NBPF8: variants seen among roughly 807,000 people sequenced by gnomAD.
The protein encoded by NBPF8 is NBPF member 8.
At chr1:120,460,475 A>G in intron 17 of NBPF8, 98 bp from the exon 16 acceptor site, 2 of 821,280 alleles carry the variant, frequency 2.4e-6, no homozygotes, top group Non-Finnish European at 2.1e-6. Context: ...TCACATTGAC[A>G]AGACTGATGT....
downstream of NBPF8, among the ~76,000 whole-genome samples, chr1:120,468,513 A>C (rs1371257127): frequency 6.8e-6 from 1 of 147,958 alleles, no homozygotes; most frequent in Non-Finnish European, 1.5e-5. Flanking sequence ...GGGGACATAC[A>C]TGGTGTATGT....
chr1:120,430,586 C>G (rs1660849200), intron 3 of NBPF8, among the ~76,000 whole-genome samples: 2 of 138,764 alleles, frequency 1.4e-5, no homozygotes, highest in South Asian at 4.4e-4. Flanking sequence ...AACCCCATCT[C>G]TACTAAAAAT....
chr1:120,448,877 G>A (rs1556606218), intron 10 of NBPF8, among the ~76,000 whole-genome samples: 1 of 5,932 alleles, frequency 1.7e-4, no homozygotes, highest in African/African-American at 8.7e-4. Context: ...AATTAAAAAA[G>A]CAAAATGAAA....
chr1:120,457,736 A>AAAATAT (rs1553249844), intron 16 of NBPF8, among the ~76,000 whole-genome samples: 1 of 53,754 alleles, frequency 1.9e-5, no homozygotes, highest in African/African-American at 1.4e-4. Context: ...TTAAAAAAAA[A>AAAATAT]ATATATATAT....
At chr1:120,449,688 G>T (rs4990356) in intron 11 of NBPF8, among the ~76,000 whole-genome samples, 27,885 of 151,284 alleles carry the variant, frequency 0.18, 2,822 homozygotes, top group Non-Finnish European at 0.25. Context: ...AGGCTCAATC[G>T]TGTTTTCAAG....
upstream of NBPF8, among the ~76,000 whole-genome samples, chr1:120,435,829 G>T (rs1331793065): frequency 6.6e-6 from 1 of 151,368 alleles, no homozygotes; most frequent in Non-Finnish European, 1.5e-5. Flanking sequence ...TCGCGTCACT[G>T]CACTCCAGCC....
At position 120,430,918 on chromosome 1, in the gene NBPF8, C is replaced by T. The variant is rs1407653178; in HGVS notation, n.510+3071C>T. 5.3e-5 allele frequency among the ~76,000 whole-genome samples: 8 copies of T among 151,620 alleles called. No homozygotes were observed. The East Asian group carries it at 5.8e-4, about 11-fold the overall frequency. On this transcript the variant is annotated intron_variant and non_coding_transcript_variant, in intron 3 of 28. Transcript: ENST00000652355. ...TGTTATGTTTAAAAAGTCAGTTCTT[C>T]GTAAATTGATCTCCAGATCCAATGC... is the stretch of plus-strand genomic sequence containing the variant.
chr1:120,460,233 G>C (rs1196088552), intron 17 of NBPF8, among the ~76,000 whole-genome samples: 2 of 152,170 alleles, frequency 1.3e-5, no homozygotes, highest in Non-Finnish European at 2.9e-5. Context: ...TATTTGATGA[G>C]AGAAAGCTTA....
intron 11 of NBPF8, among the ~76,000 whole-genome samples, chr1:120,449,680 G>A (rs1222070125): frequency 1.3e-5 from 2 of 152,104 alleles, no homozygotes; most frequent in Non-Finnish European, 2.9e-5. Flanking sequence ...TCTCCAAGAG[G>A]CTCAATCGTG....
chr1:120,455,837 T>G (rs1467736630), intron 16 of NBPF8, among the ~76,000 whole-genome samples: 2 of 152,008 alleles, frequency 1.3e-5, no homozygotes, highest in Non-Finnish European at 2.9e-5. Flanking sequence ...GCTTTGCTTC[T>G]CTCGTTATTT....
At chr1:120,469,484 C>G (rs1661854309), downstream of NBPF8, among the ~76,000 whole-genome samples, 1 of 144,986 alleles carries the variant, frequency 6.9e-6, no homozygotes. Context: ...TGCTCGGTCA[C>G]AGTGACAAGT....
At position 120,449,879 on chromosome 1, in the gene NBPF8, C is replaced by A. The variant is rs28787958; in HGVS notation, n.1971+477C>A. 3.3e-3 allele frequency among the ~76,000 whole-genome samples: 501 copies of A among 152,222 alleles called. 3 individuals are homozygous for A. The highest frequency in any genetic ancestry group is 0.012 in the African/African-American group (489 of 41,534). ...TAGCCAGTACCTGCTCTGAGGGCTTCAAGAGGAGTCTATTCCTAATAGAAC... is the reference window on the plus strand; with the variant it reads ...TAGCCAGTACCTGCTCTGAGGGCTTAAAGAGGAGTCTATTCCTAATAGAAC... On this transcript the variant is annotated intron_variant and non_coding_transcript_variant, in intron 11 of 24. Transcript: ENST00000583271.
exon 1 of NBPF8, chr1:120,436,559 G>A (rs1661087901): frequency 1.4e-5 from 21 of 1,525,546 alleles, no homozygotes; most frequent in Non-Finnish European, 1.9e-5. Context: ...CAGCGAGAAG[G>A]CAGAGATGAA....
upstream of NBPF8, among the ~76,000 whole-genome samples, chr1:120,434,374 G>A (rs1553247488): frequency 7.0e-6 from 1 of 143,362 alleles, no homozygotes; most frequent in African/African-American, 2.6e-5. Flanking sequence ...CGTGTATACA[G>A]GTATATATGT....
chr1:120,433,479 G>A (rs1660945715), upstream of NBPF8: 1 of 152,964 alleles, frequency 6.5e-6, no homozygotes, highest in African/African-American at 2.4e-5. Context: ...ACACACAGGA[G>A]GGGTATGGGT....
At chr1:120,454,983 G>T (rs1661396801) in intron 15 of NBPF8, among the ~76,000 whole-genome samples, 1 of 148,046 alleles carries the variant, frequency 6.8e-6, no homozygotes, top group East Asian at 2.0e-4. Flanking sequence ...CCAAATCACA[G>T]ATTCTTTTTA....
At chr1:120,418,773 C>A (rs1660493668), upstream of NBPF8, among the ~76,000 whole-genome samples, 1 of 146,478 alleles carries the variant, frequency 6.8e-6, no homozygotes, top group South Asian at 2.2e-4. Context: ...GTTTCAAACT[C>A]CTGGGCTCAA....
rs1256379464 is a variant in NBPF8, at chr1:120,456,515, G to A, written n.2620+1055G>A. ...GTTGAATTGATCCCTTTACCATTAT[G>A]TAGTGGCCTTCTTGTCTCTTTTGAT... is the stretch of plus-strand genomic sequence containing the variant. On this transcript the variant is annotated intron_variant and non_coding_transcript_variant, in intron 16 of 24. Transcript: ENST00000583271. Among the ~76,000 whole-genome samples, 3 of 104,736 alleles carry A rather than the reference G, an allele frequency of 2.9e-5. 1 individual carries two copies. Among genetic ancestry groups the A allele is most frequent in the Non-Finnish European group, 5.6e-5 (3 of 53,194 alleles). 68.7% of individuals were successfully genotyped at this position (104,736 alleles called of 152,430 possible).
intron 1 of NBPF8, among the ~76,000 whole-genome samples, chr1:120,422,733 T>G (rs1472448187): frequency 2.2e-5 from 3 of 134,656 alleles, no homozygotes; most frequent in Admixed American, 2.1e-4. Flanking sequence ...TTTTCCAAAG[T>G]GACTGTACAC....
Sources: gnomAD v4.1 joint callset for allele counts (sites outside exome capture counted in the v4.1 genomes callset) on GRCh38, gnomAD v4.1.1 for gene constraint, MANE v1.5 for transcripts, NCBI Gene and HGNC (gene_info 2026-07-23, HGNC 2026-07-21) for gene names.